VWC2: variants seen among roughly 807,000 people sequenced by gnomAD.
VWC2 encodes the protein von Willebrand factor C domain containing 2, also known as brorin.
In VWC2, 14 loss-of-function variants were observed where a neutral mutation model predicts 29.8. The observed-to-expected ratio is 0.47, with a 90% CI of 0.31 to 0.74. The LOEUF (loss-of-function observed/expected upper bound fraction) is 0.74. VWC2 is among the 30% of genes least tolerant of loss of function. The probability of loss-of-function intolerance (pLI) is 0.05; values close to 1 mark genes in which losing one functional copy is unlikely to be tolerated. For missense variants in VWC2, 457 were observed against 459.8 expected (o/e 0.99, Z 0.05); for synonymous variants, 213 against 199.0 (o/e 1.07, Z -0.59).
At chr7:49,862,421 A>T (rs989029613) in intron 3 of VWC2, among the ~76,000 whole-genome samples, 75 of 152,188 alleles carry the variant, frequency 4.9e-4, no homozygotes, top group African/African-American at 1.5e-3. Flanking sequence ...GTGAATAGAG[A>T]TAGTTTTATT....
intron 3 of VWC2, among the ~76,000 whole-genome samples, chr7:49,884,980 A>G (rs879884173): frequency 3.3e-5 from 5 of 152,156 alleles, no homozygotes; most frequent in African/African-American, 9.6e-5. Context: ...AAAGTATCAA[A>G]TTTTTGAAAT....
intron 2 of VWC2, among the ~76,000 whole-genome samples, chr7:49,780,343 G>T (rs1788146993): frequency 6.6e-6 from 1 of 152,186 alleles, no homozygotes; most frequent in African/African-American, 2.4e-5. Flanking sequence ...AGGGAGAGGG[G>T]CTGTATTGAG....
intron 3 of VWC2, among the ~76,000 whole-genome samples, chr7:49,890,446 C>G (rs1792079559): frequency 6.6e-6 from 1 of 152,128 alleles, no homozygotes; most frequent in Non-Finnish European, 1.5e-5. Context: ...TGCTGTTTGA[C>G]TTTTTACAGA....
In VWC2 at chr7:49,814,568, C is replaced by T. The variant is rs138339247; in HGVS notation, c.826+11728C>T. On this transcript the variant is annotated intron_variant, in intron 3 of 3. Transcript: ENST00000340652. ...ATAAATAAAGTTACAGACAGACTGC[C>T]GCAAAGTATTGCTACCAGTTTATTG... is the stretch of plus-strand genomic sequence containing the variant. Among the ~76,000 whole-genome samples the T allele has an allele frequency of 7.3e-4, 111 of 152,230 alleles. 1 individual carries two copies. Among genetic ancestry groups the T allele is most frequent in the African/African-American group, 2.0e-3 (85 of 41,538 alleles).
intron 2 of VWC2, among the ~76,000 whole-genome samples, chr7:49,788,837 AGTGT>A (rs572708269): frequency 4.9e-4 from 50 of 101,724 alleles, no homozygotes; most frequent in Non-Finnish European, 7.9e-4. Context: ...TGTGGGTATG[AGTGT>A]GTGTGAGCAT....
chr7:49,898,794 G>A (rs1379493013), intron 3 of VWC2, among the ~76,000 whole-genome samples: 2 of 151,978 alleles, frequency 1.3e-5, no homozygotes. Context: ...ACTTATGTTA[G>A]CTGTATACTG....
At chr7:49,902,195 T>C (rs1583795111) in intron 3 of VWC2, among the ~76,000 whole-genome samples, 1 of 151,940 alleles carries the variant, frequency 6.6e-6, no homozygotes, top group South Asian at 2.1e-4. Context: ...CTGGCCTCCA[T>C]TAAAATTAAA....
chr7:49,803,675 C>T (rs182208002), intron 3 of VWC2, among the ~76,000 whole-genome samples: 4 of 152,172 alleles, frequency 2.6e-5, no homozygotes, highest in African/African-American at 7.2e-5. Context: ...TGCTGTCGGC[C>T]GTTCATGTGG....
intron 3 of VWC2, among the ~76,000 whole-genome samples, chr7:49,862,028 T>C (rs1790670063): frequency 6.6e-6 from 1 of 152,210 alleles, no homozygotes; most frequent in East Asian, 1.9e-4. Context: ...GTTGTTGGAA[T>C]TTTGAAAGGG....
chr7:49,788,664 TGA>T (rs1004602458), intron 2 of VWC2, among the ~76,000 whole-genome samples: 5 of 144,148 alleles, frequency 3.5e-5, no homozygotes, highest in Admixed American at 2.8e-4. Flanking sequence ...TGTGTGGGTA[TGA>T]GAGTCTGTGA....
chr7:49,826,429 G>A (rs1303795857), intron 3 of VWC2, among the ~76,000 whole-genome samples: 1 of 152,154 alleles, frequency 6.6e-6, no homozygotes, highest in African/African-American at 2.4e-5. Flanking sequence ...GACTGAAAAA[G>A]GTGAGACTCA....
chr7:49,797,125 C>A (rs1270410788), intron 2 of VWC2, among the ~76,000 whole-genome samples: 1 of 152,198 alleles, frequency 6.6e-6, no homozygotes, highest in African/African-American at 2.4e-5. Flanking sequence ...AATAATTTTA[C>A]TTTGCCATCA....
chr7:49,847,010 C>G (rs1000257157), intron 3 of VWC2, among the ~76,000 whole-genome samples: 1 of 152,174 alleles, frequency 6.6e-6, no homozygotes, highest in Admixed American at 6.5e-5. Flanking sequence ...GAATTTAACT[C>G]TAACTTGCAG....
intron 3 of VWC2, among the ~76,000 whole-genome samples, chr7:49,882,865 T>C (rs1791729074): frequency 7.2e-6 from 1 of 138,040 alleles, no homozygotes; most frequent in African/African-American, 2.7e-5. Flanking sequence ...TTTTTTGTTT[T>C]TGTTGTTGTT....
chr7:49,864,769 A>G (rs986608803), intron 3 of VWC2, among the ~76,000 whole-genome samples: 9 of 152,232 alleles, frequency 5.9e-5, no homozygotes, highest in African/African-American at 2.2e-4. Flanking sequence ...ACCCGGGACC[A>G]AGTTCCCAGC....
At chr7:49,902,352 C>A (rs1792800897) in intron 3 of VWC2, among the ~76,000 whole-genome samples, 2 of 152,032 alleles carry the variant, frequency 1.3e-5, no homozygotes, top group South Asian at 4.1e-4. Flanking sequence ...AATCATTCCA[C>A]CCCATTTAAA....
At chr7:49,814,647 G>A (rs1201145359) in intron 3 of VWC2, among the ~76,000 whole-genome samples, 2 of 152,186 alleles carry the variant, frequency 1.3e-5, no homozygotes, top group African/African-American at 4.8e-5. Context: ...GTCAGAAGGT[G>A]TGTGCTGGTG....
Position 49,916,703 on chromosome 7 carries a change from A to G in VWC2, c.*4518A>G, listed in dbSNP as rs1053282625. 1.3e-5 allele frequency: 2 copies of G among 152,186 alleles called. No homozygotes were observed. The highest frequency in any genetic ancestry group is 2.4e-5 in the African/African-American group (1 of 41,454). 9.4% of individuals were successfully genotyped at this position (152,186 alleles called of 1,614,324 possible). A position where few individuals can be genotyped will look rare whatever the true frequency, so the allele number is the denominator to read the frequency against. On this transcript the variant is annotated 3_prime_UTR_variant, in exon 4 of 4. Coordinates refer to ENST00000340652, the MANE Select transcript of VWC2 (RefSeq NM_198570.5). ...ATCTATTAGTTCAGAGTTATTTGCT[A>G]TTCTTGTTTAAGGACAATGTATGTA... is the stretch of plus-strand genomic sequence containing the variant.
intron 2 of VWC2, among the ~76,000 whole-genome samples, chr7:49,776,766 C>T (rs558897625): frequency 1.3e-5 from 2 of 152,128 alleles, no homozygotes; most frequent in Admixed American, 6.5e-5. Flanking sequence ...GCCTACTGTG[C>T]GTCAGGATCC....
Sources: allele counts gnomAD v4.1 joint callset (sites outside exome capture counted in the v4.1 genomes callset), GRCh38; gene constraint gnomAD v4.1.1; transcripts MANE v1.5; gene names NCBI Gene and HGNC (gene_info 2026-07-23, HGNC 2026-07-21).